The following VWA5B2 variants were observed in gnomAD, a reference collection of about 807,000 sequenced individuals.
VWA5B2 encodes the protein von Willebrand factor A domain-containing protein 5B2.
VWA5B2 carries 93 observed loss-of-function variants against 118.5 expected under a neutral mutation model. The ratio of observed to expected loss-of-function variants is 0.79; its 90% CI spans 0.66 to 0.93. The LOEUF is 0.93. Among genes scored for constraint, VWA5B2 ranks in the 40% least tolerant of loss-of-function variants. The pLI is 0.00. For synonymous variants in VWA5B2, 708 were observed against 716.3 expected (o/e 0.99, Z 0.19); for missense variants, 1,546 against 1,672.8 (o/e 0.92, Z 1.32).
In VWA5B2 at chr3:184,236,132, C is replaced by G; in HGVS notation, c.1102-20C>G. 2 of 1,548,344 alleles carry G rather than the reference C, an allele frequency of 1.3e-6. No individual in the cohort carries two copies. Among genetic ancestry groups the G allele is most frequent in the Non-Finnish European group, 1.7e-6 (2 of 1,144,914 alleles). On this transcript the variant is annotated intron_variant, in intron 8 of 19. Transcript: ENST00000691901. ...GGCCCATGGGGCCGGCCTCACGCCG[C>G]CCTCCCTGGCCCTCCACAGGATGCC... is the stretch of plus-strand genomic sequence containing the variant.
In VWA5B2 at chr3:184,236,570, C is replaced by T; in HGVS notation, c.1421+19C>T. 1 of 1,550,228 alleles carries T rather than the reference C, an allele frequency of 6.5e-7. No individual in the cohort carries two copies. The highest frequency in any genetic ancestry group is 8.7e-7 in the Non-Finnish European group (1 of 1,145,994). The stretch of plus-strand genomic sequence containing the variant: ...CAGCCAGGTATGGGATGGGCAGAAC[C>T]AGATGCGTAAGACTGAGCCCCCACA... On this transcript the variant is annotated intron_variant, in intron 10 of 19. Coordinates refer to ENST00000691901, the MANE Select transcript of VWA5B2 (RefSeq NM_001390846.1).
In VWA5B2 at chr3:184,240,815, G is replaced by A. The variant is rs1292450440; in HGVS notation, c.2765G>A (p.Arg922Gln). ...DRGHARRCWLRALQTSKVSSA... is the reference protein window; with the variant it reads ...DRGHARRCWLQALQTSKVSSA... ...GGCCATGCCCGGAGGTGCTGGCTTC[G>A]AGCCCTTCAGACAAGTAAGGTCAGC... Residue 922 changes from arginine to glutamine, a missense_variant, in exon 17 of 20, where the codon CGA becomes CAA. By Grantham distance (43) the Arg-to-Gln change is conservative. Around this residue, in one of 3 missense-constraint regions of VWA5B2, gnomAD observed 763 missense variants for 766.6 expected, o/e 1.00. Transcript: ENST00000691901. 5.8e-6 allele frequency: 9 copies of A among 1,551,250 alleles called. No homozygotes were observed. Among genetic ancestry groups the A allele is most frequent in the Non-Finnish European group, 7.0e-6 (8 of 1,146,974 alleles).
intron 3 of VWA5B2, among the ~76,000 whole-genome samples, chr3:184,231,240 C>T (rs115111989): frequency 0.037 from 5,695 of 152,258 alleles, 148 homozygotes; most frequent in East Asian, 0.084. Flanking sequence ...TGGTCCCCTC[C>T]GGCCCCTTAC....
Position 184,241,774 on chromosome 3 carries a change from A to G in VWA5B2, c.3465A>G (p.Glu1155=). 5.4e-6 allele frequency: 8 copies of G among 1,485,006 alleles called. No homozygotes were observed. The highest frequency in any genetic ancestry group is 7.1e-6 in the Non-Finnish European group (8 of 1,120,126). 92.0% of individuals were successfully genotyped at this position (1,485,006 alleles called of 1,614,324 possible). A position where few individuals can be genotyped will look rare whatever the true frequency, so the allele number is the denominator to read the frequency against. Residue 1155 remains glutamate, a synonymous_variant, in exon 20 of 20, where the codon GAA becomes GAG. Transcript: ENST00000691901. This position sits in a 1 kb window ranked among gnomAD's most constrained non-coding sequence, Gnocchi z 5.1. ...ACACCGAGGCCTCCGAGGGGGCGGAAGGGCTGGGCGGCACCGACCTGCGGG... is the reference window on the plus strand; with the variant it reads ...ACACCGAGGCCTCCGAGGGGGCGGAGGGGCTGGGCGGCACCGACCTGCGGG... ...GSDTEASEGA[E]GLGGTDLRGR...
At chr3:184,234,881 C>A in intron 7 of VWA5B2, 126 bp downstream of exon 7, 1 of 1,382,134 alleles carries the variant, frequency 7.2e-7, no homozygotes, top group Non-Finnish European at 9.7e-7. Context: ...CTCTCCACAG[C>A]TGCCACCAAC....
In VWA5B2 at chr3:184,239,249, G is replaced by A; in HGVS notation, c.2203-145G>A. 1 of 851,484 alleles carries A rather than the reference G, an allele frequency of 1.2e-6. No homozygotes were observed. Among genetic ancestry groups the A allele is most frequent in the Non-Finnish European group, 1.7e-6 (1 of 583,868 alleles). The allele number at this position is 851,484 out of a possible 1,614,324, so 52.7% of individuals were successfully genotyped here. Reference sequence around the variant, plus strand: ...GGGCCAAGGCCAGAGGTCACTGTAGGCCATAAGGAACTTGGCCTTCCTCCT... The same window carrying A: ...GGGCCAAGGCCAGAGGTCACTGTAGACCATAAGGAACTTGGCCTTCCTCCT... On this transcript the variant is annotated intron_variant, in intron 14 of 19. Coordinates refer to ENST00000691901, the MANE Select transcript of VWA5B2 (RefSeq NM_001390846.1). This position sits in a 1 kb window ranked among gnomAD's most constrained non-coding sequence, Gnocchi z 5.1.
chr3:184,239,459 C>T lies in VWA5B2; in HGVS notation c.2268C>T (p.Leu756=), dbSNP rs1050470216. The change falls in exon 15 of 20, where the codon CTC becomes CTT. Residue 756 remains leucine, a synonymous_variant. Coordinates refer to ENST00000691901, the MANE Select transcript of VWA5B2 (RefSeq NM_001390846.1). The surrounding 1 kb of genome is among the most constrained non-coding windows in gnomAD (Gnocchi z 5.1). The part of the protein sequence containing the change: ...QHRAALAGRS[L]SSPPGRANQV... ...GAGCGGCTCTGGCTGGCCGAAGCCT[C>T]TCATCCCCTCCAGGCCGGGCAAACC... 3 of 1,550,234 alleles carry T rather than the reference C, an allele frequency of 1.9e-6. No individual in the cohort carries two copies. In the Admixed American group the frequency reaches 5.9e-5, roughly 30 times the overall value.
At position 184,238,491 on chromosome 3, in the gene VWA5B2, ATG is replaced by A; in HGVS notation, c.1891+24_1891+25del. ...CGGAGCAGAGTGAGTGCCCAGGTGT[ATG>A]TGTGTGGCTGTATTGGAGTGGGCGC... On this transcript the variant is annotated intron_variant, in intron 13 of 19. Coordinates refer to ENST00000691901, the MANE Select transcript of VWA5B2 (RefSeq NM_001390846.1). The surrounding 1 kb of genome is among the most constrained non-coding windows in gnomAD (Gnocchi z 5.0). 1 of 1,540,184 alleles carries A rather than the reference ATG, an allele frequency of 6.5e-7. No homozygotes were observed. The highest frequency in any genetic ancestry group is 8.8e-7 in the Non-Finnish European group (1 of 1,138,328).
chr3:184,236,383 A>C lies in VWA5B2; in HGVS notation c.1253A>C (p.Gln418Pro). The change falls in exon 10 of 20, where the codon CAG (glutamine) becomes CCG (proline). Residue 418 changes from glutamine (Q) to proline (P), a missense_variant. Physicochemically the swap from Gln to Pro is moderately conservative, Grantham distance 76 (BLOSUM62 -1). This residue lies in a region of VWA5B2 where 775 missense variants were observed against 882.3 expected (regional missense o/e 0.88). Coordinates refer to ENST00000691901, the MANE Select transcript of VWA5B2 (RefSeq NM_001390846.1). ...QLICESIETL[Q>P]VPSGPPDVLA... ...ATCTGCGAGAGCATTGAGACCCTGC[A>C]GGTTCCGAGTGGGCCCCCAGACGTG... is the stretch of plus-strand genomic sequence containing the variant. 3 of 1,546,614 alleles carry C rather than the reference A, an allele frequency of 1.9e-6. No homozygotes were observed. The highest frequency in any genetic ancestry group is 2.6e-6 in the Non-Finnish European group (3 of 1,143,908).
Position 184,239,562 on chromosome 3 carries a change from G to A in VWA5B2, c.2371G>A (p.Gly791Arg), listed in dbSNP as rs1718348286. ...GPSPEPGQQL[G>R]QGLDDSGNLL... is the part of the protein sequence containing the mutation. The stretch of plus-strand genomic sequence containing the variant: ...AAGTCCTGAGCCAGGCCAACAGTTG[G>A]GACAAGGCCTGGATGACTCAGGTAA... The change falls in exon 15 of 20, where the codon GGA (glycine) becomes AGA (arginine). Residue 791 changes from glycine (G) to arginine (R), a missense_variant. Gly to Arg is a moderately radical substitution (Grantham distance 125). Transcript: ENST00000691901. This position sits in a 1 kb window ranked among gnomAD's most constrained non-coding sequence, Gnocchi z 5.1. 4.6e-6 allele frequency: 7 copies of A among 1,532,418 alleles called. No homozygotes were observed. The highest frequency in any genetic ancestry group is 5.3e-6 in the Non-Finnish European group (6 of 1,133,574). 94.9% of individuals were successfully genotyped at this position (1,532,418 alleles called of 1,614,324 possible).
At position 184,235,303 on chromosome 3, in the gene VWA5B2, C is replaced by T. The variant is rs1341152024; in HGVS notation, c.1096C>T (p.His366Tyr). The change falls in exon 8 of 20, where the codon CAC becomes TAC. Residue 366 changes from histidine to tyrosine, a missense_variant. This residue lies in a region of VWA5B2 where 775 missense variants were observed against 882.3 expected (regional missense o/e 0.88). Coordinates refer to ENST00000691901, the MANE Select transcript of VWA5B2 (RefSeq NM_001390846.1). ...LFLLDSSSVAHKDAIVLAVKS... is the reference protein window; with the variant it reads ...LFLLDSSSVAYKDAIVLAVKS... Reference sequence around the variant, plus strand: ...CCTTTTGGATAGCAGCAGCGTGGCACACAAGGCCCGTGGGGGTGTGGTGTG... The same window carrying T: ...CCTTTTGGATAGCAGCAGCGTGGCATACAAGGCCCGTGGGGGTGTGGTGTG... 3 of 1,551,426 alleles carry T rather than the reference C, an allele frequency of 1.9e-6. No individual in the cohort carries two copies. Among genetic ancestry groups the T allele is most frequent in the East Asian group, 2.4e-5 (1 of 40,922 alleles).
rs899791937 is a variant in VWA5B2 at position 184,239,210 on chromosome 3, A to G, written c.2203-184A>G. Among the ~76,000 whole-genome samples, 2 of 152,164 alleles carry G rather than the reference A, an allele frequency of 1.3e-5. No homozygotes were observed. The highest frequency in any genetic ancestry group is 2.9e-5 in the Non-Finnish European group (2 of 68,022). ...AGTGGGAAATAGGGAGTGGAGTGGGATGATGCTGGGAAGGGGCCAAGGCCA... is the reference window on the plus strand; with the variant it reads ...AGTGGGAAATAGGGAGTGGAGTGGGGTGATGCTGGGAAGGGGCCAAGGCCA... On this transcript the variant is annotated intron_variant, in intron 14 of 19. Transcript: ENST00000691901. The surrounding 1 kb of genome is among the most constrained non-coding windows in gnomAD (Gnocchi z 5.1).
chr3:184,229,998 A>C (rs546100975), intron 1 of VWA5B2, among the ~76,000 whole-genome samples: 1 of 152,234 alleles, frequency 6.6e-6, no homozygotes, highest in Non-Finnish European at 1.5e-5. Flanking sequence ...GGAGAGAAAG[A>C]CCAAGGCCCT....
In VWA5B2 at chr3:184,242,075, AAC is replaced by A. The variant is rs779753727; in HGVS notation, c.*42_*43del. On this transcript the variant is annotated 3_prime_UTR_variant, in exon 20 of 20. Coordinates refer to ENST00000691901, the MANE Select transcript of VWA5B2 (RefSeq NM_001390846.1). ...TGCTGCTTGGGCTGGCGCCCCACCC[AAC>A]ACACTCAAGTCACTGCCGCCCAGGG... 86 of 1,542,210 alleles carry A rather than the reference AAC, an allele frequency of 5.6e-5. No individual in the cohort carries two copies. The highest frequency in any genetic ancestry group is 7.2e-5 in the Non-Finnish European group (83 of 1,146,244).
In VWA5B2 at chr3:184,241,287, C is replaced by T. The variant is rs530774307; in HGVS notation, c.3063C>T (p.Arg1021=). 133 of 1,551,326 alleles carry T rather than the reference C, an allele frequency of 8.6e-5. 1 individual carries two copies. In the South Asian group the frequency reaches 1.5e-3, roughly 17 times the overall value. The change falls in exon 19 of 20, where the codon CGC becomes CGT. Residue 1021 remains arginine, a synonymous_variant. Transcript: ENST00000691901. This position sits in a 1 kb window ranked among gnomAD's most constrained non-coding sequence, Gnocchi z 5.1. ...CTGCCACTCCCACGGAAGGTCCTCGCCGCCCACCTCCCCGTCCTCCCTGTC... is the reference window on the plus strand; with the variant it reads ...CTGCCACTCCCACGGAAGGTCCTCGTCGCCCACCTCCCCGTCCTCCCTGTC... ...GDPATPTEGP[R]RPPPRPPCRL...
intron 7 of VWA5B2, 182 bp from the exon 8 acceptor site, chr3:184,234,971 A>G (rs987450724): frequency 4.7e-6 from 5 of 1,057,012 alleles, no homozygotes; most frequent in Non-Finnish European, 5.4e-6. Flanking sequence ...GATGGAGGCT[A>G]GGTCTGATAT....
Position 184,236,204 on chromosome 3 carries a change from T to TGG in VWA5B2, c.1155_1156dup (p.Ala386GlyfsTer25). On this transcript the variant is annotated frameshift_variant, in exon 9 of 20. Coordinates refer to ENST00000691901, the MANE Select transcript of VWA5B2 (RefSeq NM_001390846.1). LOFTEE classifies it high-confidence loss of function. Reference sequence around the variant, plus strand: ...CTCCCGCCCCAGACGCTTATCAACCTGGCCGTGTTTGGGACGTTGGTGCAG... The same window carrying TGG: ...CTCCCGCCCCAGACGCTTATCAACCTGGGGCCGTGTTTGGGACGTTGGTGCAG... The TGG allele has an allele frequency of 6.4e-7, 1 of 1,551,758 alleles. No individual in the cohort carries two copies. The highest frequency in any genetic ancestry group is 1.4e-5 in the African/African-American group (1 of 73,190).
rs1231198975 is a variant in VWA5B2 at position 184,241,499 on chromosome 3, C to A, written c.3190C>A (p.Gln1064Lys). Residue 1064 changes from glutamine (Q) to lysine (K), a missense_variant, in exon 20 of 20, where the codon CAG becomes AAG. Gln to Lys is a moderately conservative substitution (Grantham distance 53, BLOSUM62 1). This residue lies in a region of VWA5B2 where 763 missense variants were observed against 766.6 expected (regional missense o/e 1.00). Coordinates refer to ENST00000691901, the MANE Select transcript of VWA5B2 (RefSeq NM_001390846.1). The surrounding 1 kb of genome is among the most constrained non-coding windows in gnomAD (Gnocchi z 5.1). ...CCTCCTCTCTCCTCAGGTGCGGCTGCAGGAGGCACCAGGCTCCTTCCGCCT... is the reference window on the plus strand; with the variant it reads ...CCTCCTCTCTCCTCAGGTGCGGCTGAAGGAGGCACCAGGCTCCTTCCGCCT... ...DHDYLPLVRLQEAPGSFRLDA... is the reference protein window; with the variant it reads ...DHDYLPLVRLKEAPGSFRLDA... 4 of 1,551,258 alleles carry A rather than the reference C, an allele frequency of 2.6e-6. No individual in the cohort carries two copies. The highest frequency in any genetic ancestry group is 3.5e-6 in the Non-Finnish European group (4 of 1,147,180).
chr3:184,234,973 G>A, intron 7 of VWA5B2, 180 bp from the exon 8 acceptor site: 1 of 1,066,250 alleles, frequency 9.4e-7, no homozygotes, highest in Non-Finnish European at 1.3e-6. Context: ...TGGAGGCTAG[G>A]TCTGATATAA....
Sources: gnomAD v4.1 joint callset for allele counts (sites outside exome capture counted in the v4.1 genomes callset) on GRCh38, gnomAD v4.1.1 for gene constraint, gnomAD v4.1.1 regional missense constraint, Gnocchi (gnomAD v3.1) non-coding constraint, MANE v1.5 for transcripts, NCBI Gene and HGNC (gene_info 2026-07-23, HGNC 2026-07-21) for gene names.